The following CEP290 variants were observed in gnomAD, a reference collection of about 807,000 sequenced individuals.
CEP290 encodes centrosomal protein 290, also known as centrosomal protein of 290 kDa.
Under a neutral mutation model 344.9 loss-of-function variants are expected in CEP290, and 317 were observed. That is an observed-to-expected ratio of 0.92 (90% CI 0.84 to 1.01). CEP290 has a LOEUF of 1.01. Among genes scored for constraint, CEP290 ranks in the 50% least tolerant of loss-of-function variants. CEP290 has a pLI of 0.00. For synonymous variants in CEP290, 932 were observed against 895.8 expected, an observed-to-expected ratio of 1.04 and a Z score of -0.72; for missense variants, 2,754 against 2,761.4, an observed-to-expected ratio of 1.00 and a Z score of 0.06.
In CEP290 at chr12:88,118,548, C is replaced by A; in HGVS notation, c.1646G>T (p.Arg549Leu). The A allele has an allele frequency of 1.3e-6, 2 of 1,587,308 alleles. No homozygotes were observed. The highest frequency in any genetic ancestry group is 1.8e-5 in the Admixed American group (1 of 55,194). Residue 549 changes from arginine (R) to leucine (L), a missense_variant, in exon 17 of 54, where the codon CGA (arginine) becomes CTA (leucine). Transcript: ENST00000552810. ...LKEIESLEEE[R>L]LDLKKKIRQM... ...ACGAATTTTTTTTTTCAGATCAAGT[C>A]GTTCTTCCTCTAGACTTTCAATCTG...
rs369302067 is a variant in CEP290 at position 88,112,473 on chromosome 12, C to G, written c.2053-615G>C. 5.4e-4 allele frequency among the ~76,000 whole-genome samples: 82 copies of G among 152,064 alleles called. 1 individual carries two copies. Among genetic ancestry groups the G allele is most frequent in the African/African-American group, 1.8e-3 (73 of 41,500 alleles). ...ATATTATCTAAGAATAATGAGTAAGCAAAAATAATATGTCAAATATTAAAA... is the reference window on the plus strand; with the variant it reads ...ATATTATCTAAGAATAATGAGTAAGGAAAAATAATATGTCAAATATTAAAA... On this transcript the variant is annotated intron_variant, in intron 20 of 53. Transcript: ENST00000552810.
chr12:88,131,268 G>T, intron 6 of CEP290, 50 bp from the exon 7 acceptor site: 1 of 1,288,932 alleles, frequency 7.8e-7, no homozygotes, highest in Non-Finnish European at 1.0e-6. Flanking sequence ...AAATTCAGCA[G>T]TAATTTTTTT....
At chr12:88,052,366 A>G (rs2033624669) in intron 52 of CEP290, among the ~76,000 whole-genome samples, 1 of 152,216 alleles carries the variant, frequency 6.6e-6, no homozygotes, top group Non-Finnish European at 1.5e-5. Flanking sequence ...ATGTGCTTAT[A>G]CATGCAATAA....
chr12:88,053,557 A>G (rs1280221910), intron 52 of CEP290, 95 bp downstream of exon 52: 14 of 646,104 alleles, frequency 2.2e-5, no homozygotes, highest in Non-Finnish European at 3.9e-5. Context: ...TTACAGGGAG[A>G]CAATGATCAG....
At position 88,064,228 on chromosome 12, in the gene CEP290, A is replaced by G. The variant is rs149968311; in HGVS notation, c.6136-113T>C. ...GGTAACTTTTTTTCCTCAAAGGAATATGAGAAAATCGGAGTGTTCTGGTGA... is the reference window on the plus strand; with the variant it reads ...GGTAACTTTTTTTCCTCAAAGGAATGTGAGAAAATCGGAGTGTTCTGGTGA... On this transcript the variant is annotated intron_variant, in intron 44 of 53. Coordinates refer to ENST00000552810, the MANE Select transcript of CEP290 (RefSeq NM_025114.4). 9.4e-5 allele frequency: 84 copies of G among 889,834 alleles called. 1 individual carries two copies. The African/African-American group carries it at 1.0e-3, about 11-fold the overall frequency. 55.1% of individuals were successfully genotyped at this position (889,834 alleles called of 1,614,324 possible). A position where few individuals can be genotyped will look rare whatever the true frequency, so the allele number is the denominator to read the frequency against.
At chr12:88,049,691 A>C in intron 53 of CEP290, 1 of 238,038 alleles carries the variant, frequency 4.2e-6, no homozygotes. Flanking sequence ...TTTCTCTAAA[A>C]GCATATAAGA....
At chr12:88,082,248 A>G (rs569913177) in intron 37 of CEP290, among the ~76,000 whole-genome samples, 11 of 152,342 alleles carry the variant, frequency 7.2e-5, no homozygotes, top group African/African-American at 2.6e-4. Context: ...TAGAATCTCT[A>G]TTATATGACA....
rs554137447 is a variant in CEP290, at chr12:88,052,369, T to G, written c.7129+1283A>C. On this transcript the variant is annotated intron_variant, in intron 52 of 53. Transcript: ENST00000552810. The stretch of plus-strand genomic sequence containing the variant: ...ATAAATGGTTCGATGTGCTTATACA[T>G]GCAATAATACACTATGGAATTATTA... Among the ~76,000 whole-genome samples, 3 of 152,292 alleles carry G rather than the reference T, an allele frequency of 2.0e-5. No individual in the cohort carries two copies. In the East Asian group the frequency reaches 5.8e-4, roughly 29 times the overall value.
At chr12:88,107,197 C>G in intron 23 of CEP290, 99 bp from the exon 24 acceptor site, 1 of 683,010 alleles carries the variant, frequency 1.5e-6, no homozygotes, top group Middle Eastern at 4.1e-4. Context: ...GTTTTCTCAA[C>G]ACAAGAGGTA....
At chr12:88,052,343 CAT>C (rs1448297930) in intron 52 of CEP290, among the ~76,000 whole-genome samples, 1 of 152,078 alleles carries the variant, frequency 6.6e-6, no homozygotes, top group African/African-American at 2.4e-5. Context: ...TCCATCAAAA[CAT>C]AAATGGTTCG....
Position 88,086,189 on chromosome 12 carries a change from A to G in CEP290, c.4303-16T>C. ...CTTCTTCAAACTATTAAGAAATAGTATGTTTTTTAAAAAAGCAGTTGCAGC... is the reference window on the plus strand; with the variant it reads ...CTTCTTCAAACTATTAAGAAATAGTGTGTTTTTTAAAAAAGCAGTTGCAGC... On this transcript the variant is annotated splice_polypyrimidine_tract_variant and intron_variant, in intron 33 of 53. Coordinates refer to ENST00000552810, the MANE Select transcript of CEP290 (RefSeq NM_025114.4). 2 of 1,600,466 alleles carry G rather than the reference A, an allele frequency of 1.2e-6. No homozygotes were observed. Among genetic ancestry groups the G allele is most frequent in the Non-Finnish European group, 1.7e-6 (2 of 1,177,088 alleles).
At chr12:88,137,064 G>A (rs187449361) in intron 5 of CEP290, among the ~76,000 whole-genome samples, 19 of 152,146 alleles carry the variant, frequency 1.2e-4, no homozygotes, top group East Asian at 3.9e-4. Context: ...CAGGTAACCA[G>A]ACTAAACTGC....
intron 39 of CEP290, among the ~76,000 whole-genome samples, chr12:88,078,198 T>C (rs996646483): frequency 4.6e-5 from 7 of 150,772 alleles, no homozygotes; most frequent in African/African-American, 1.5e-4. Flanking sequence ...AATATGCACG[T>C]TTCATTTTGG....
At chr12:88,084,022 T>C in intron 35 of CEP290, 68 bp from the exon 36 acceptor site, 1 of 984,156 alleles carries the variant, frequency 1.0e-6, no homozygotes, top group Non-Finnish European at 1.5e-6. Flanking sequence ...TTGAAGACCT[T>C]ATATATTTTC....
At chr12:88,136,149 A>C (rs557890113) in intron 6 of CEP290, 1 of 152,368 alleles carries the variant, frequency 6.6e-6, no homozygotes, top group Non-Finnish European at 1.5e-5. Flanking sequence ...CTTTTCAAAA[A>C]CTATACATAT....
At chr12:88,115,892 T>C (rs2137809943) in intron 18 of CEP290, 1 of 983,850 alleles carries the variant, frequency 1.0e-6, no homozygotes. Flanking sequence ...TAAGCTTATT[T>C]TTCAATATCT....
chr12:88,061,233 C>T (rs911119446), intron 46 of CEP290, among the ~76,000 whole-genome samples: 22 of 152,224 alleles, frequency 1.4e-4, no homozygotes, highest in Middle Eastern at 6.8e-3. Flanking sequence ...TAATAAGTAA[C>T]AGCTTAAATA....
chr12:88,084,626 A>C lies in CEP290; in HGVS notation c.4664T>G (p.Val1555Gly). The change falls in exon 35 of 54, where the codon GTA (valine) becomes GGA (glycine). Residue 1555 changes from valine (V) to glycine (G), a missense_variant. Transcript: ENST00000552810. ...TAGAAGACGTTGATACTTCTTTAAT[A>C]CTTCTTCTTTTTGATTTAACCTTGC... The part of the protein sequence containing the change: ...MQARLNQKEE[V>G]LKKYQRLLEK... 2 of 1,612,818 alleles carry C rather than the reference A, an allele frequency of 1.2e-6. No individual in the cohort carries two copies. The highest frequency in any genetic ancestry group is 1.7e-6 in the Non-Finnish European group (2 of 1,178,976).
chr12:88,115,400 G>A lies in CEP290; in HGVS notation c.1825-218C>T, dbSNP rs1290244110. 9 of 938,170 alleles carry A rather than the reference G, an allele frequency of 9.6e-6. No homozygotes were observed. In the Admixed American group the frequency reaches 1.7e-4, roughly 17 times the overall value. The allele number at this position is 938,170 out of a possible 1,614,324, so 58.1% of individuals were successfully genotyped here. On this transcript the variant is annotated intron_variant, in intron 18 of 53. Transcript: ENST00000552810. ...ACTTTCTCCCTCTCCCAACATCCAT[G>A]GTAAGAGGCAAAAAGATATAACGGT...
Sources: allele counts gnomAD v4.1 joint callset (sites outside exome capture counted in the v4.1 genomes callset), GRCh38; gene constraint gnomAD v4.1.1; transcripts MANE v1.5; gene names NCBI Gene and HGNC (gene_info 2026-07-23, HGNC 2026-07-21).